Variants in RAD51B observed in about 807,000 individuals in gnomAD.
RAD51B encodes the protein DNA repair protein RAD51 homolog 2.
A neutral mutation model predicts 42.2 loss-of-function variants in RAD51B; 38 were observed. That is an observed-to-expected ratio of 0.90 (90% confidence interval 0.70 to 1.18). The LOEUF is 1.18. RAD51B is among the 50% of genes most tolerant of loss of function. The pLI is 0.00. For synonymous variants in RAD51B, 154 were observed against 145.2 expected, an observed-to-expected ratio of 1.06 and a Z score of -0.43; for missense variants, 373 against 400.7, an observed-to-expected ratio of 0.93 and a Z score of 0.59.
chr14:67,931,555 G>A (rs2044737267), intron 7 of RAD51B, among the ~76,000 whole-genome samples: 2 of 148,448 alleles, frequency 1.3e-5, no homozygotes, highest in African/African-American at 5.0e-5. Context: ...CAGGCTGGAG[G>A]GCAATGGCAC....
intron 11 of RAD51B, among the ~76,000 whole-genome samples, chr14:68,667,872 A>G (rs1364154381): frequency 6.6e-6 from 1 of 152,190 alleles, no homozygotes; most frequent in Non-Finnish European, 1.5e-5. Flanking sequence ...TGGATCCCCA[A>G]AAACTAAGGA....
chr14:67,965,101 A>G lies in RAD51B; in HGVS notation c.756+77897A>G, dbSNP rs527601254. ...ATCCTTATCCTTTTGGAGCTCAGTA[A>G]GGGTTGCTATCCTAGTAAGTAGTTC... On this transcript the variant is annotated intron_variant, in intron 7 of 10. Transcript: ENST00000471583. Among the ~76,000 whole-genome samples, 3 of 152,288 alleles carry G rather than the reference A, an allele frequency of 2.0e-5. No individual in the cohort carries two copies. The East Asian group carries it at 5.8e-4, about 29-fold the overall frequency.
chr14:68,330,724 T>C (rs1162279469), intron 8 of RAD51B, among the ~76,000 whole-genome samples: 1 of 152,182 alleles, frequency 6.6e-6, no homozygotes, highest in Non-Finnish European at 1.5e-5. Context: ...AATACTAGCA[T>C]TAAAGTAATA....
At chr14:68,065,379 G>A (rs1412572368) in intron 7 of RAD51B, among the ~76,000 whole-genome samples, 1 of 152,140 alleles carries the variant, frequency 6.6e-6, no homozygotes, top group African/African-American at 2.4e-5. Flanking sequence ...TGACAGCTTG[G>A]CTCAGGTGCT....
At chr14:68,376,506 T>C (rs2083372977) in intron 8 of RAD51B, among the ~76,000 whole-genome samples, 1 of 152,250 alleles carries the variant, frequency 6.6e-6, no homozygotes, top group African/African-American at 2.4e-5. Context: ...CTTTTCAGCC[T>C]TTCCTAATGG....
intron 10 of RAD51B, among the ~76,000 whole-genome samples, chr14:68,531,420 C>G (rs1271041068): frequency 6.6e-6 from 1 of 151,888 alleles, no homozygotes; most frequent in Non-Finnish European, 1.5e-5. Flanking sequence ...AAAAGACATA[C>G]CACAAAATGC....
intron 7 of RAD51B, among the ~76,000 whole-genome samples, chr14:67,952,705 G>A (rs1367985299): frequency 6.6e-6 from 1 of 151,992 alleles, no homozygotes; most frequent in African/African-American, 2.4e-5. Context: ...AGTAGGAGGG[G>A]GAGGAAAAGG....
At chr14:68,421,599 A>C (rs942727371) in intron 9 of RAD51B, 3 of 912,584 alleles carry the variant, frequency 3.3e-6, no homozygotes, top group African/African-American at 1.6e-5. Context: ...CAGCGAGAGC[A>C]CAAAGATTCT....
chr14:67,967,161 T>C (rs1187833378), intron 7 of RAD51B, among the ~76,000 whole-genome samples: 1 of 152,158 alleles, frequency 6.6e-6, no homozygotes, highest in East Asian at 1.9e-4. Context: ...GTGAGACTTA[T>C]TCACTACCAC....
intron 7 of RAD51B, among the ~76,000 whole-genome samples, chr14:68,225,614 T>C (rs2080021946): frequency 6.6e-6 from 1 of 152,120 alleles, no homozygotes. Context: ...AATTCATGGG[T>C]AGGGGTTGAA....
chr14:68,235,632 A>T (rs1054571695), intron 7 of RAD51B, among the ~76,000 whole-genome samples: 58 of 129,244 alleles, frequency 4.5e-4, no homozygotes, highest in African/African-American at 1.6e-3. Flanking sequence ...TGAACCCGGG[A>T]GGCGGAGCTT....
rs915736351 is a variant in RAD51B, at chr14:67,888,300, C to T, written c.756+1096C>T. ...ATGATAAATTCAAATTTATATTTTT[C>T]CTGATCAAGGAGAATAAGGGAACTT... On this transcript the variant is annotated intron_variant, in intron 7 of 10. Coordinates refer to ENST00000471583, the MANE Select transcript of RAD51B (RefSeq NM_133510.4). Among the ~76,000 whole-genome samples the T allele has an allele frequency of 4.6e-5, 7 of 152,000 alleles. No homozygotes were observed. The East Asian group carries it at 1.3e-3, about 29-fold the overall frequency.
intron 4 of RAD51B, among the ~76,000 whole-genome samples, chr14:67,862,076 T>C (rs568393905): frequency 6.6e-6 from 1 of 152,248 alleles, no homozygotes; most frequent in Admixed American, 6.5e-5. Context: ...TACAGCATGG[T>C]AACTATAGTT....
chr14:67,967,683 G>A (rs1053679106), intron 7 of RAD51B, among the ~76,000 whole-genome samples: 1 of 152,204 alleles, frequency 6.6e-6, no homozygotes, highest in African/African-American at 2.4e-5. Flanking sequence ...GGTTCCCACA[G>A]TCTTGGGCAG....
chr14:67,830,502 A>G (rs995936034), intron 3 of RAD51B, among the ~76,000 whole-genome samples: 1 of 151,756 alleles, frequency 6.6e-6, no homozygotes, highest in Non-Finnish European at 1.5e-5. Flanking sequence ...TCTGGGTTCC[A>G]GCAATTCTTG....
intron 8 of RAD51B, among the ~76,000 whole-genome samples, chr14:68,382,097 GGCCATTTATTTA>G (rs1245522915): frequency 5.3e-5 from 8 of 152,338 alleles, no homozygotes; most frequent in Non-Finnish European, 1.2e-4. Flanking sequence ...CTGAGACAAA[GGCCATTTATTTA>G]GCTCTGGCCA....
intron 10 of RAD51B, among the ~76,000 whole-genome samples, chr14:68,531,223 A>C (rs892366381): frequency 6.6e-6 from 1 of 152,108 alleles, no homozygotes; most frequent in African/African-American, 2.4e-5. Flanking sequence ...GAAAGAAAGA[A>C]AATAAATAGA....
At chr14:67,964,420 A>T (rs933815293) in intron 7 of RAD51B, among the ~76,000 whole-genome samples, 1 of 152,208 alleles carries the variant, frequency 6.6e-6, no homozygotes, top group East Asian at 1.9e-4. Context: ...AGAAGATGCC[A>T]TTATTCCTTC....
intron 10 of RAD51B, among the ~76,000 whole-genome samples, chr14:68,545,314 A>G (rs939510442): frequency 1.3e-5 from 2 of 152,210 alleles, no homozygotes; most frequent in Non-Finnish European, 2.9e-5. Context: ...GGCAGTGGAT[A>G]TCTTCATGCT....
Sources: gnomAD v4.1 joint callset for allele counts (sites outside exome capture counted in the v4.1 genomes callset) on GRCh38, gnomAD v4.1.1 for gene constraint, MANE v1.5 for transcripts, NCBI Gene and HGNC (gene_info 2026-07-23, HGNC 2026-07-21) for gene names.